TMCC3: variants seen among roughly 807,000 people sequenced by gnomAD.
TMCC3 encodes the protein transmembrane and coiled-coil domain family 3, also known as transmembrane and coiled-coil domain protein 3.
TMCC3 carries 28 observed loss-of-function variants against 40.2 expected under a neutral mutation model. That is an observed-to-expected ratio of 0.70 (90% confidence interval 0.52 to 0.95). The LOEUF (loss-of-function observed/expected upper bound fraction) is 0.95, where lower values mean the gene tolerates loss of function less well. TMCC3 is among the 40% of genes least tolerant of loss of function. The pLI is 0.00. For missense variants in TMCC3, 554 were observed against 615.2 expected (o/e 0.90, Z 1.05); for synonymous variants, 255 against 248.5 (o/e 1.03, Z -0.25).
chr12:94,646,702 G>T (rs2069020846), intron 1 of TMCC3, among the ~76,000 whole-genome samples: 1 of 147,864 alleles, frequency 6.8e-6, no homozygotes, highest in Non-Finnish European at 1.5e-5. Context: ...GCCTCCCAAA[G>T]TCCTGGGATT....
At chr12:94,573,229 G>A (rs531491954) in intron 3 of TMCC3, among the ~76,000 whole-genome samples, 9 of 150,642 alleles carry the variant, frequency 6.0e-5, no homozygotes, top group East Asian at 5.8e-4. Context: ...CATCCAACCC[G>A]TCGCCCAGCC....
chr12:94,578,367 T>C (rs1402865539), intron 3 of TMCC3, 27 bp downstream of exon 3: 2 of 1,610,490 alleles, frequency 1.2e-6, no homozygotes, highest in African/African-American at 2.7e-5. Flanking sequence ...AGCCCAGGCC[T>C]GTGTCTAATC....
Position 94,569,417 on chromosome 12 carries a change from G to A in TMCC3, c.*2018C>T, listed in dbSNP as rs1282409422. 6.6e-6 allele frequency: 1 copy of A among 152,276 alleles called. No homozygotes were observed. Among genetic ancestry groups the A allele is most frequent in the Non-Finnish European group, 1.5e-5 (1 of 68,100 alleles). The allele number at this position is 152,276 out of a possible 1,614,324, so 9.4% of individuals were successfully genotyped here. On this transcript the variant is annotated 3_prime_UTR_variant, in exon 4 of 4. Coordinates refer to ENST00000261226, the MANE Select transcript of TMCC3 (RefSeq NM_020698.4). ...TGTCTCCCAGACTTGAAAGATCAGT[G>A]TATACACATCAACGCGGTAGACCAG... is the stretch of plus-strand genomic sequence containing the variant.
rs188726055 is a variant in TMCC3, at chr12:94,575,019, T to C, written c.1132-3282A>G. 3.3e-5 allele frequency among the ~76,000 whole-genome samples: 5 copies of C among 152,338 alleles called. No individual in the cohort carries two copies. In the East Asian group the frequency reaches 9.6e-4, roughly 29 times the overall value. ...TATTCAGCCCCACAATTTTTGGTACTTCCTTGGGTCCAGTAATTAACTTAT... is the reference window on the plus strand; with the variant it reads ...TATTCAGCCCCACAATTTTTGGTACCTCCTTGGGTCCAGTAATTAACTTAT... On this transcript the variant is annotated intron_variant, in intron 3 of 3. Coordinates refer to ENST00000261226, the MANE Select transcript of TMCC3 (RefSeq NM_020698.4).
intron 1 of TMCC3, among the ~76,000 whole-genome samples, chr12:94,605,665 A>G (rs2068778218): frequency 6.6e-6 from 1 of 152,186 alleles, no homozygotes; most frequent in Non-Finnish European, 1.5e-5. Flanking sequence ...GCTCAATACT[A>G]TTCAAACTCC....
chr12:94,617,774 G>T (rs1162795794), intron 1 of TMCC3, among the ~76,000 whole-genome samples: 1 of 152,188 alleles, frequency 6.6e-6, no homozygotes, highest in Non-Finnish European at 1.5e-5. Flanking sequence ...CTCTGTGTTG[G>T]GGGTGGGATG....
intron 1 of TMCC3, among the ~76,000 whole-genome samples, chr12:94,645,930 G>A (rs1216596155): frequency 2.0e-5 from 3 of 152,014 alleles, no homozygotes; most frequent in East Asian, 1.9e-4. Context: ...TTGTGCACCC[G>A]GCATGGAGTT....
intron 1 of TMCC3, among the ~76,000 whole-genome samples, chr12:94,649,351 A>C (rs80298171): frequency 3.3e-5 from 5 of 152,178 alleles, no homozygotes; most frequent in African/African-American, 1.2e-4. Flanking sequence ...CGATCTTGGA[A>C]GTGGCAGGCC....
chr12:94,574,918 A>C (rs879322277), intron 3 of TMCC3, among the ~76,000 whole-genome samples: 1 of 152,206 alleles, frequency 6.6e-6, no homozygotes, highest in Non-Finnish European at 1.5e-5. Context: ...AACTGCTGTC[A>C]ATTTTTTTTA....
intron 1 of TMCC3, among the ~76,000 whole-genome samples, chr12:94,613,218 C>T (rs1322559306): frequency 6.6e-6 from 1 of 152,034 alleles, no homozygotes; most frequent in Non-Finnish European, 1.5e-5. Context: ...AATCCCAGCA[C>T]TTTGGGAGGC....
chr12:94,573,732 C>CT (rs1222924864), intron 3 of TMCC3, among the ~76,000 whole-genome samples: 23 of 152,208 alleles, frequency 1.5e-4, no homozygotes, highest in Non-Finnish European at 7.3e-5. Flanking sequence ...CCACACACAG[C>CT]TTTATTCTAA....
At chr12:94,645,346 A>C (rs1242843792) in intron 1 of TMCC3, among the ~76,000 whole-genome samples, 4 of 152,222 alleles carry the variant, frequency 2.6e-5, no homozygotes, top group Non-Finnish European at 5.9e-5. Flanking sequence ...TCCGTTTCTA[A>C]GCTCACAAAT....
chr12:94,603,314 G>C (rs2068763726), intron 1 of TMCC3, among the ~76,000 whole-genome samples: 1 of 152,028 alleles, frequency 6.6e-6, no homozygotes, highest in Admixed American at 6.6e-5. Context: ...ACGGGGTTTT[G>C]CCATCTTGGC....
intron 1 of TMCC3, among the ~76,000 whole-genome samples, chr12:94,623,895 G>A (rs559771547): frequency 1.6e-4 from 25 of 152,296 alleles, no homozygotes; most frequent in Middle Eastern, 3.4e-3. Context: ...TCTCCAACCT[G>A]GTTTTGGACA....
intron 1 of TMCC3, among the ~76,000 whole-genome samples, chr12:94,610,403 T>A (rs2068808474): frequency 6.6e-6 from 1 of 151,436 alleles, no homozygotes; most frequent in South Asian, 2.1e-4. Context: ...GGCTTCCATA[T>A]AGTTCTGAAA....
At chr12:94,596,672 A>T (rs987137285) in intron 1 of TMCC3, among the ~76,000 whole-genome samples, 7 of 151,628 alleles carry the variant, frequency 4.6e-5, no homozygotes, top group African/African-American at 1.7e-4. Context: ...ATCATCTACT[A>T]GGCCACCTGT....
chr12:94,636,207 G>A (rs1262212953), intron 1 of TMCC3, among the ~76,000 whole-genome samples: 1 of 151,978 alleles, frequency 6.6e-6, no homozygotes, highest in Non-Finnish European at 1.5e-5. Flanking sequence ...CATCTGAAAA[G>A]GAATTGAATA....
chr12:94,611,403 A>G (rs2068814935), intron 1 of TMCC3, among the ~76,000 whole-genome samples: 1 of 152,174 alleles, frequency 6.6e-6, no homozygotes, highest in Admixed American at 6.5e-5. Flanking sequence ...TTAAGGGACC[A>G]ATGCCACTGA....
At chr12:94,571,970 C>G (rs1290274373) in intron 3 of TMCC3, among the ~76,000 whole-genome samples, 2 of 152,170 alleles carry the variant, frequency 1.3e-5, no homozygotes, top group East Asian at 1.9e-4. Flanking sequence ...CACAAAATAC[C>G]ATAAATGAGG....
Sources: allele counts gnomAD v4.1 joint callset (sites outside exome capture counted in the v4.1 genomes callset), GRCh38; gene constraint gnomAD v4.1.1; transcripts MANE v1.5; gene names NCBI Gene and HGNC (gene_info 2026-07-23, HGNC 2026-07-21).